PHC1: variants seen among roughly 807,000 people sequenced by gnomAD.
The protein encoded by PHC1 is polyhomeotic-like protein 1.
Under a neutral mutation model 104.3 loss-of-function variants are expected in PHC1, and 12 were observed. The observed-to-expected ratio is 0.12, with a 90% CI of 0.07 to 0.19. PHC1 has a LOEUF of 0.19. Among genes scored for constraint, PHC1 ranks in the 10% least tolerant of loss-of-function variants. The pLI, the probability that PHC1 is intolerant of heterozygous loss-of-function variation, is 1.00. For synonymous variants in PHC1, 302 were observed against 455.8 expected (o/e 0.66, Z 4.30); for missense variants, 671 against 1,200.0 (o/e 0.56, Z 6.51).
intron 12 of PHC1, 85 bp from the exon 13 acceptor site, chr12:8,937,091 A>G: frequency 2.7e-6 from 4 of 1,491,368 alleles, no homozygotes; most frequent in Non-Finnish European, 3.7e-6. Context: ...CCTTCCCCAA[A>G]TCAGCTCATA....
chr12:8,930,950 A>T, intron 7 of PHC1, 23 bp downstream of exon 7: 1 of 1,578,820 alleles, frequency 6.3e-7, no homozygotes, highest in African/African-American at 1.4e-5. Flanking sequence ...TCCTCATGTC[A>T]TTATTCTCTC....
In PHC1 at chr12:8,934,318, T is replaced by C; in HGVS notation, c.2093T>C (p.Leu698Pro). Residue 698 changes from leucine to proline, a missense_variant, in exon 10 of 15, where the codon CTA (leucine) becomes CCA (proline). By Grantham distance (98) the Leu-to-Pro change is moderately conservative. Around this residue, in one of 9 missense-constraint regions of PHC1, gnomAD observed 29 missense variants for 78.0 expected, o/e 0.37. Coordinates refer to ENST00000544916, the MANE Select transcript of PHC1 (RefSeq NM_004426.3). Reference protein sequence around the residue: ...NVNANTPSSELVALTPAPSVP... With the variant: ...NVNANTPSSEPVALTPAPSVP... The stretch of plus-strand genomic sequence containing the variant: ...AATGCTAATACTCCAAGCAGTGAAC[T>C]AGTAGCCTTGACCCCCGCCCCTTCA... 5 of 1,614,158 alleles carry C rather than the reference T, an allele frequency of 3.1e-6. No homozygotes were observed. The highest frequency in any genetic ancestry group is 4.2e-6 in the Non-Finnish European group (5 of 1,180,018).
chr12:8,923,093 C>G (rs1945412302), intron 6 of PHC1, among the ~76,000 whole-genome samples: 1 of 152,142 alleles, frequency 6.6e-6, no homozygotes, highest in Non-Finnish European at 1.5e-5. Context: ...TTCGGAGAGT[C>G]TTAATTCTCT....
Position 8,930,933 on chromosome 12 carries a change from T to C in PHC1, c.1105+6T>C. The C allele has an allele frequency of 6.2e-7, 1 of 1,605,460 alleles. No individual in the cohort carries two copies. Among genetic ancestry groups the C allele is most frequent in the Non-Finnish European group, 8.5e-7 (1 of 1,173,850 alleles). On this transcript the variant is annotated splice_donor_region_variant and intron_variant, in intron 7 of 14. Coordinates refer to ENST00000544916, the MANE Select transcript of PHC1 (RefSeq NM_004426.3). Reference sequence around the variant, plus strand: ...CCAGACACTTATTAGCTCAGGTAAATTGTCATTCCTCATGTCATTATTCTC... The same window carrying C: ...CCAGACACTTATTAGCTCAGGTAAACTGTCATTCCTCATGTCATTATTCTC...
intron 7 of PHC1, among the ~76,000 whole-genome samples, chr12:8,932,018 A>G (rs888753942): frequency 1.6e-4 from 25 of 152,214 alleles, no homozygotes; most frequent in Admixed American, 1.5e-3. Flanking sequence ...GCTGACTCTC[A>G]AGACTCAGAT....
intron 6 of PHC1, among the ~76,000 whole-genome samples, chr12:8,924,334 G>A (rs767933637): frequency 9.9e-5 from 15 of 152,200 alleles, no homozygotes; most frequent in East Asian, 3.9e-4. Flanking sequence ...AAAATTAGCC[G>A]GGCATGGTGG....
chr12:8,922,901 G>GTGTTT, intron 6 of PHC1, 113 bp downstream of exon 6: 1 of 955,316 alleles, frequency 1.0e-6, no homozygotes, highest in South Asian at 1.9e-5. Context: ...CTTACTTTTT[G>GTGTTT]TGTTTTGTTT....
chr12:8,919,959 A>C lies in PHC1; in HGVS notation c.225+93A>C. The C allele has an allele frequency of 6.5e-7, 1 of 1,529,274 alleles. No individual in the cohort carries two copies. Among genetic ancestry groups the C allele is most frequent in the South Asian group, 1.2e-5 (1 of 83,038 alleles). 94.7% of individuals were successfully genotyped at this position (1,529,274 alleles called of 1,614,324 possible). A position where few individuals can be genotyped will look rare whatever the true frequency, so the allele number is the denominator to read the frequency against. ...TTTTGGGCATATAGCATCCTATACT[A>C]AGCCAGGCTGCAGACAGCCTCCTCC... On this transcript the variant is annotated intron_variant, in intron 3 of 14. Coordinates refer to ENST00000544916, the MANE Select transcript of PHC1 (RefSeq NM_004426.3). This position sits in a 1 kb window ranked among gnomAD's most constrained non-coding sequence, Gnocchi z 4.9.
chr12:8,918,448 T>C (rs778107295), intron 2 of PHC1, among the ~76,000 whole-genome samples: 33 of 152,340 alleles, frequency 2.2e-4, no homozygotes, highest in African/African-American at 7.5e-4. Context: ...CTGTATTACC[T>C]TTACTGTATA....
At chr12:8,934,079 A>G in intron 9 of PHC1, 67 bp downstream of exon 9, 2 of 1,563,162 alleles carry the variant, frequency 1.3e-6, no homozygotes, top group African/African-American at 2.7e-5. Context: ...AGTGAGCTAA[A>G]AGATAAAACT....
chr12:8,933,686 T>G, intron 8 of PHC1, 179 bp from the exon 9 acceptor site: 1 of 628,474 alleles, frequency 1.6e-6, no homozygotes, highest in South Asian at 2.1e-5. Context: ...TGTTACATTT[T>G]CTTTTGTCCT....
intron 1 of PHC1, chr12:8,915,402 TC>T (rs1398865516): frequency 6.6e-6 from 1 of 152,188 alleles, no homozygotes; most frequent in Non-Finnish European, 1.5e-5. Flanking sequence ...CACCCCCTTC[TC>T]CCGTCCCCCT....
At position 8,917,808 on chromosome 12, in the gene PHC1, A is replaced by G. The variant is rs1420125997; in HGVS notation, c.114+17A>G. 1.5e-6 allele frequency: 2 copies of G among 1,322,160 alleles called. No individual in the cohort carries two copies. Among genetic ancestry groups the G allele is most frequent in the Non-Finnish European group, 2.1e-6 (2 of 934,492 alleles). The allele number at this position is 1,322,160 out of a possible 1,614,324, so 81.9% of individuals were successfully genotyped here. On this transcript the variant is annotated intron_variant, in intron 2 of 14. Transcript: ENST00000544916. ...GCAGTGCAGGTGAGACTCAGCTCTG[A>G]GGGGCCATGGTCTGTGAGTCTTGGC...
chr12:8,934,723 C>G (rs1945786424), intron 10 of PHC1, among the ~76,000 whole-genome samples: 1 of 151,954 alleles, frequency 6.6e-6, no homozygotes, highest in East Asian at 1.9e-4. Context: ...GTTAGATAAA[C>G]TAGTTTGTTT....
chr12:8,927,029 G>A (rs11048060), intron 6 of PHC1, among the ~76,000 whole-genome samples: 95,637 of 152,004 alleles, frequency 0.63, 31,386 homozygotes, highest in South Asian at 0.83. Flanking sequence ...TCGACAGAGG[G>A]TCGTGGGCTG....
In PHC1 at chr12:8,919,381, A is replaced by G. The variant is rs1402208692; in HGVS notation, c.115-375A>G. 1.3e-5 allele frequency among the ~76,000 whole-genome samples: 2 copies of G among 152,152 alleles called. No homozygotes were observed. Among genetic ancestry groups the G allele is most frequent in the Non-Finnish European group, 2.9e-5 (2 of 68,024 alleles). ...TGGCTCAGAAAGATCTCTTGAGGCC[A>G]GGAGTTCAAGACCAGCCTGGGTAAC... On this transcript the variant is annotated intron_variant, in intron 2 of 14. Coordinates refer to ENST00000544916, the MANE Select transcript of PHC1 (RefSeq NM_004426.3). The surrounding 1 kb of genome is among the most constrained non-coding windows in gnomAD (Gnocchi z 4.9).
chr12:8,930,975 A>G (rs1427669107), intron 7 of PHC1, 48 bp downstream of exon 7: 2 of 1,540,446 alleles, frequency 1.3e-6, no homozygotes, highest in Admixed American at 4.3e-5. Context: ...TTCATGTGAA[A>G]TTTTCCTTTT....
Position 8,917,351 on chromosome 12 carries a change from C to T in PHC1, c.-48-279C>T, listed in dbSNP as rs550790747. 4.6e-5 allele frequency among the ~76,000 whole-genome samples: 7 copies of T among 152,270 alleles called. 1 individual carries two copies. The highest frequency in any genetic ancestry group is 3.4e-3 in the Middle Eastern group (1 of 294). On this transcript the variant is annotated intron_variant, in intron 1 of 14. Transcript: ENST00000544916. ...AGGTAACTTTGGTATTGTAAGGTGC[C>T]ATCTCACATTCTGGCCGTTTTATTT...
chr12:8,925,784 G>T (rs1231410475), intron 6 of PHC1, among the ~76,000 whole-genome samples: 2 of 152,174 alleles, frequency 1.3e-5, no homozygotes, highest in African/African-American at 4.8e-5. Flanking sequence ...TTTAAATATG[G>T]AAGTGTCATA....
Sources: allele counts gnomAD v4.1 joint callset (sites outside exome capture counted in the v4.1 genomes callset), GRCh38; gene constraint gnomAD v4.1.1; regional missense constraint gnomAD v4.1.1; non-coding constraint Gnocchi (gnomAD v3.1); transcripts MANE v1.5; gene names NCBI Gene and HGNC (gene_info 2026-07-23, HGNC 2026-07-21).